Variants in DTNBP1 observed in about 807,000 individuals in gnomAD.
The protein encoded by DTNBP1 is dysbindin.
Under a neutral mutation model 42.8 loss-of-function variants are expected in DTNBP1, and 35 were observed. The ratio of observed to expected loss-of-function variants is 0.82; its 90% CI spans 0.63 to 1.09. The LOEUF (loss-of-function observed/expected upper bound fraction) is 1.09. Ranked by LOEUF, DTNBP1 falls within the 50% of genes least tolerant of loss-of-function variation. The probability of loss-of-function intolerance (pLI) is 0.00; values close to 1 mark genes in which losing one functional copy is unlikely to be tolerated. For synonymous variants in DTNBP1, 171 were observed against 162.2 expected, an observed-to-expected ratio of 1.05 and a Z score of -0.41; for missense variants, 457 against 424.2, an observed-to-expected ratio of 1.08 and a Z score of -0.68.
chr6:15,596,054 G>A (rs917467291), intron 6 of DTNBP1, among the ~76,000 whole-genome samples: 1 of 152,166 alleles, frequency 6.6e-6, no homozygotes, highest in Non-Finnish European at 1.5e-5. Flanking sequence ...GGGGCACGTG[G>A]GGAAGAGCTA....
chr6:15,584,361 TC>T (rs1343778791), intron 7 of DTNBP1, among the ~76,000 whole-genome samples: 1 of 152,096 alleles, frequency 6.6e-6, no homozygotes, highest in Non-Finnish European at 1.5e-5. Flanking sequence ...AGAAAATATG[TC>T]ATTTATCATA....
intron 5 of DTNBP1, 114 bp downstream of exon 5, chr6:15,627,229 A>G: frequency 1.4e-6 from 2 of 1,388,620 alleles, no homozygotes; most frequent in Non-Finnish European, 2.0e-6. Flanking sequence ...TTTTCCAAAA[A>G]ATCCTGTTAA....
chr6:15,625,157 T>C (rs1375319582), intron 5 of DTNBP1, among the ~76,000 whole-genome samples: 3 of 152,164 alleles, frequency 2.0e-5, no homozygotes, highest in East Asian at 1.9e-4. Context: ...TTACTAATTA[T>C]AAATATCAGG....
intron 7 of DTNBP1, among the ~76,000 whole-genome samples, chr6:15,540,371 A>G (rs1301062270): frequency 6.6e-6 from 1 of 152,246 alleles, no homozygotes; most frequent in Non-Finnish European, 1.5e-5. Context: ...AAATAATTCC[A>G]GAATAGGCAG....
intron 6 of DTNBP1, among the ~76,000 whole-genome samples, chr6:15,613,430 G>A (rs540260698): frequency 2.0e-4 from 27 of 134,560 alleles, no homozygotes; most frequent in African/African-American, 6.0e-4. Context: ...GCAGTGGCGC[G>A]ATCTCGGCTC....
At chr6:15,550,354 T>A (rs188906619) in intron 7 of DTNBP1, among the ~76,000 whole-genome samples, 1 of 152,310 alleles carries the variant, frequency 6.6e-6, no homozygotes, top group East Asian at 1.9e-4. Context: ...ACAACAAAAA[T>A]CTATTATGAA....
intron 8 of DTNBP1, among the ~76,000 whole-genome samples, chr6:15,526,457 G>T (rs1772400947): frequency 6.6e-6 from 1 of 152,230 alleles, no homozygotes; most frequent in South Asian, 2.1e-4. Flanking sequence ...AATCACTAAA[G>T]TTCAGCACTT....
chr6:15,558,167 A>G (rs1302462224), intron 7 of DTNBP1, among the ~76,000 whole-genome samples: 1 of 151,862 alleles, frequency 6.6e-6, no homozygotes, highest in Admixed American at 6.6e-5. Flanking sequence ...TGTCAATTGC[A>G]TCTTTGATTA....
At chr6:15,532,979 G>A (rs551900655) in intron 8 of DTNBP1, among the ~76,000 whole-genome samples, 23 of 152,122 alleles carry the variant, frequency 1.5e-4, no homozygotes, top group African/African-American at 4.6e-4. Context: ...GATTACAGGC[G>A]TGAGCCACCA....
intron 7 of DTNBP1, among the ~76,000 whole-genome samples, chr6:15,557,551 C>T (rs1046939186): frequency 2.6e-5 from 4 of 152,230 alleles, no homozygotes; most frequent in Middle Eastern, 3.4e-3. Context: ...CTGATTAAGA[C>T]TGGACAAATT....
At chr6:15,560,280 T>C (rs998756200) in intron 7 of DTNBP1, among the ~76,000 whole-genome samples, 1 of 151,732 alleles carries the variant, frequency 6.6e-6, no homozygotes, top group Non-Finnish European at 1.5e-5. Context: ...CACTCCAGCC[T>C]GGGCAACGGA....
In DTNBP1 at chr6:15,634,466, G is replaced by A. The variant is rs532596557; in HGVS notation, c.222+3278C>T. On this transcript the variant is annotated intron_variant, in intron 4 of 9. Coordinates refer to ENST00000344537, the MANE Select transcript of DTNBP1 (RefSeq NM_032122.5). ...CAAGTAGCTGGAATTACAGGTGCCTGCCACCACACCAGGCTAATTTTTTGT... is the reference window on the plus strand; with the variant it reads ...CAAGTAGCTGGAATTACAGGTGCCTACCACCACACCAGGCTAATTTTTTGT... 2.0e-5 allele frequency among the ~76,000 whole-genome samples: 3 copies of A among 152,122 alleles called. No individual in the cohort carries two copies. In the East Asian group the frequency reaches 5.8e-4, roughly 29 times the overall value.
At chr6:15,568,975 G>C (rs1775217719) in intron 7 of DTNBP1, among the ~76,000 whole-genome samples, 1 of 152,140 alleles carries the variant, frequency 6.6e-6, no homozygotes, top group African/African-American at 2.4e-5. Flanking sequence ...TGTTGTTCAA[G>C]AGTCAACTGT....
At chr6:15,568,072 C>T (rs1775176874) in intron 7 of DTNBP1, among the ~76,000 whole-genome samples, 1 of 152,180 alleles carries the variant, frequency 6.6e-6, no homozygotes, top group African/African-American at 2.4e-5. Flanking sequence ...AGGCCACTCT[C>T]ACCTTCTCTG....
chr6:15,522,918 T>C lies in DTNBP1; in HGVS notation c.*57A>G, dbSNP rs1771996735. The C allele has an allele frequency of 1.2e-6, 2 of 1,613,982 alleles. No homozygotes were observed. The highest frequency in any genetic ancestry group is 1.7e-5 in the Admixed American group (1 of 60,006). On this transcript the variant is annotated 3_prime_UTR_variant, in exon 10 of 10. Transcript: ENST00000344537. ...AAACAACCTGGCTTTCCAGGTGGAA[T>C]TCCGCATACAGCCAAAACTGGATTC...
chr6:15,599,637 T>C (rs1382076132), intron 6 of DTNBP1, among the ~76,000 whole-genome samples: 8 of 152,110 alleles, frequency 5.3e-5, no homozygotes, highest in Non-Finnish European at 1.5e-5. Context: ...AAAACTAACG[T>C]TGAAAGCCAG....
At chr6:15,528,766 C>A (rs1301357275) in intron 8 of DTNBP1, among the ~76,000 whole-genome samples, 12 of 152,108 alleles carry the variant, frequency 7.9e-5, no homozygotes, top group Admixed American at 7.9e-4. Flanking sequence ...ACCAGTAATT[C>A]CTCTCCTAGT....
chr6:15,650,269 GTATT>G (rs1200012524), intron 3 of DTNBP1, among the ~76,000 whole-genome samples: 2 of 152,092 alleles, frequency 1.3e-5, no homozygotes, highest in African/African-American at 4.8e-5. Flanking sequence ...ACCATATACT[GTATT>G]TATTTATTTA....
intron 3 of DTNBP1, among the ~76,000 whole-genome samples, chr6:15,638,370 G>A (rs930461371): frequency 2.6e-5 from 4 of 151,658 alleles, no homozygotes; most frequent in Non-Finnish European, 4.4e-5. Context: ...CACCCACCTC[G>A]GCCTCCCAAA....
Sources: allele counts gnomAD v4.1 joint callset (sites outside exome capture counted in the v4.1 genomes callset), GRCh38; gene constraint gnomAD v4.1.1; transcripts MANE v1.5; gene names NCBI Gene and HGNC (gene_info 2026-07-23, HGNC 2026-07-21).